VWF: variants seen among roughly 807,000 people sequenced by gnomAD.
The protein encoded by VWF is von Willebrand factor, also known as Factor VIII related antigen.
In VWF, 176 loss-of-function variants were observed where a neutral mutation model predicts 308.6. That is an observed-to-expected ratio of 0.57 (90% CI 0.50 to 0.65). The LOEUF (loss-of-function observed/expected upper bound fraction) is 0.65, where lower values mean the gene tolerates loss of function less well. VWF is among the 30% of genes least tolerant of loss of function. The pLI is 0.00. For synonymous variants in VWF, 1,385 were observed against 1,443.4 expected, an observed-to-expected ratio of 0.96 and a Z score of 0.92; for missense variants, 3,146 against 3,648.2, an observed-to-expected ratio of 0.86 and a Z score of 3.55.
intron 5 of VWF, among the ~76,000 whole-genome samples, chr12:6,103,610 A>G (rs1945209261): frequency 6.6e-6 from 1 of 151,774 alleles, no homozygotes; most frequent in African/African-American, 2.4e-5. Flanking sequence ...ATAGACACCC[A>G]GAGATAGAGC....
chr12:5,988,840 G>A (rs1413471126), intron 38 of VWF, among the ~76,000 whole-genome samples: 1 of 152,132 alleles, frequency 6.6e-6, no homozygotes, highest in East Asian at 1.9e-4. Context: ...ACTATCACCA[G>A]GCCAGAACCG....
At chr12:6,078,158 CT>C (rs1273863087) in intron 6 of VWF, among the ~76,000 whole-genome samples, 1 of 152,178 alleles carries the variant, frequency 6.6e-6, no homozygotes, top group Non-Finnish European at 1.5e-5. Context: ...CACCTTTCTC[CT>C]TTTCCCCTTA....
chr12:5,960,081 TA>T (rs1486011088), intron 47 of VWF, among the ~76,000 whole-genome samples: 2 of 148,014 alleles, frequency 1.4e-5, no homozygotes, highest in African/African-American at 4.9e-5. Flanking sequence ...TAATAATAAT[TA>T]ATATATAATA....
rs1303364520 is a variant in VWF, at chr12:6,016,574, T to C, written c.5253A>G (p.Lys1751=). Residue 1751 remains lysine (K), a synonymous_variant, in exon 30 of 52, where the codon AAA becomes AAG. Transcript: ENST00000261405. ...IDVPWNVVPE[K]AHLLSLVDVM... ...CGTCCACAAGGCTCAGCAAATGGGC[T>C]TTCTCCGGGACCACGTTCCATGGCA... The C allele has an allele frequency of 4.3e-6, 7 of 1,614,102 alleles. No individual in the cohort carries two copies. Among genetic ancestry groups the C allele is most frequent in the South Asian group, 1.1e-5 (1 of 91,086 alleles).
In VWF at chr12:6,019,525, G is replaced by A. The variant is rs554436297; in HGVS notation, c.3893C>T (p.Ala1298Val). ...CCGCTCCATCATGTCCACCACAAAG[G>A]CCTTCAGCACTTCAAACTCAGCCTC... ...LSEAEFEVLK[A>V]FVVDMMERLR... The change falls in exon 28 of 52, where the codon GCC becomes GTC. Residue 1298 changes from alanine (A) to valine (V), a missense_variant. Physicochemically the swap from Ala to Val is moderately conservative, Grantham distance 64 (BLOSUM62 0). Transcript: ENST00000261405. This position sits in a 1 kb window ranked among gnomAD's most constrained non-coding sequence, Gnocchi z 5.8. 5 of 1,613,938 alleles carry A rather than the reference G, an allele frequency of 3.1e-6. No homozygotes were observed. In the East Asian group the frequency reaches 1.1e-4, roughly 36 times the overall value.
At chr12:6,018,080 C>A (rs1264711678) in intron 28 of VWF, among the ~76,000 whole-genome samples, 2 of 149,682 alleles carry the variant, frequency 1.3e-5, no homozygotes, top group African/African-American at 5.0e-5. Context: ...TTTTTTTACT[C>A]CTTATTGGCA....
chr12:5,956,201 C>A (rs1330364382), intron 47 of VWF, among the ~76,000 whole-genome samples: 1 of 152,162 alleles, frequency 6.6e-6, no homozygotes, highest in Non-Finnish European at 1.5e-5. Flanking sequence ...AAGTATAGCA[C>A]ATGCAATTAT....
chr12:6,042,680 T>G (rs12367254), intron 18 of VWF, among the ~76,000 whole-genome samples: 1 of 152,310 alleles, frequency 6.6e-6, no homozygotes, highest in East Asian at 1.9e-4. Context: ...GCATGCCCAG[T>G]GCTTCAGGAA....
At chr12:6,010,369 A>C (rs1375660426) in intron 34 of VWF, among the ~76,000 whole-genome samples, 1 of 152,232 alleles carries the variant, frequency 6.6e-6, no homozygotes, top group African/African-American at 2.4e-5. Flanking sequence ...ATGCACTCTC[A>C]TACCTCGCTG....
At position 6,103,373 on chromosome 12, in the gene VWF, TGTGTGTATACAC is replaced by T. The variant is rs756450486; in HGVS notation, c.532+6989_532+7000del. Among the ~76,000 whole-genome samples, 653 of 141,902 alleles carry T rather than the reference TGTGTGTATACAC, an allele frequency of 4.6e-3. 21 individuals carry two copies. The highest frequency in any genetic ancestry group is 0.013 in the African/African-American group (468 of 36,000). 93.1% of individuals were successfully genotyped at this position (141,902 alleles called of 152,430 possible). The stretch of plus-strand genomic sequence containing the variant: ...GTGTATATATACATATATATGTGTG[TGTGTGTATACAC>T]GTGTGTGTATACACGTGTGTGTATA... On this transcript the variant is annotated intron_variant, in intron 5 of 51. Coordinates refer to ENST00000261405, the MANE Select transcript of VWF (RefSeq NM_000552.5).
At chr12:6,096,856 G>C (rs1181026302) in intron 5 of VWF, among the ~76,000 whole-genome samples, 1 of 152,200 alleles carries the variant, frequency 6.6e-6, no homozygotes, top group African/African-American at 2.4e-5. Context: ...GCCTGGAAGA[G>C]AGAAGTAGGT....
intron 5 of VWF, among the ~76,000 whole-genome samples, chr12:6,099,408 A>G (rs1052501217): frequency 2.6e-5 from 4 of 152,234 alleles, no homozygotes; most frequent in African/African-American, 9.6e-5. Flanking sequence ...GTCTCCCTCA[A>G]TATCTGTACT....
In VWF at chr12:6,044,419, C is replaced by T; in HGVS notation, c.2314G>A (p.Val772Ile). 1.9e-6 allele frequency: 3 copies of T among 1,614,182 alleles called. No individual in the cohort carries two copies. Among genetic ancestry groups the T allele is most frequent in the South Asian group, 1.1e-5 (1 of 91,078 alleles). Residue 772 changes from valine (V) to isoleucine (I), a missense_variant, in exon 18 of 52, where the codon GTC becomes ATC. Val to Ile is a conservative substitution (Grantham distance 29). Around this residue, in one of 3 missense-constraint regions of VWF, gnomAD observed 1,304 missense variants for 1,353.0 expected, o/e 0.96. Transcript: ENST00000261405. ...TTGTCAGCGGGACACACCAGCTTGA[C>T]CATGGGGGGCCGACAGGATAGGCTC... ...KRSLSCRPPM[V>I]KLVCPADNLR... is the part of the protein sequence containing the mutation.
chr12:5,957,263 T>C (rs1258613972), intron 47 of VWF, among the ~76,000 whole-genome samples: 3 of 152,174 alleles, frequency 2.0e-5, no homozygotes, highest in Non-Finnish European at 4.4e-5. Flanking sequence ...CACCTAACGA[T>C]GCATTTCTTA....
Position 6,056,944 on chromosome 12 carries a change from C to T in VWF, c.1858G>A (p.Glu620Lys). Residue 620 changes from glutamate to lysine, a missense_variant, in exon 15 of 52, where the codon GAG becomes AAG. By Grantham distance (56) the Glu-to-Lys change is moderately conservative. This residue lies in a region of VWF where 1,304 missense variants were observed against 1,353.0 expected (regional missense o/e 0.96). Transcript: ENST00000261405. The part of the protein sequence containing the change: ...YDVCSCSDGR[E>K]CLCGALASYA... ...CTGGCCAGGGCGCCGCACAGGCACT[C>T]GCGGCCGTCCGAGCAGGAGCACACG... 3.3e-6 allele frequency: 5 copies of T among 1,536,772 alleles called. No individual in the cohort carries two copies. The highest frequency in any genetic ancestry group is 2.6e-6 in the Non-Finnish European group (3 of 1,146,582).
chr12:6,018,966 C>T lies in VWF; in HGVS notation c.4452G>A (p.Gly1484=), dbSNP rs777683033. The change falls in exon 28 of 52, where the codon GGG becomes GGA. Residue 1484 remains glycine, a synonymous_variant. Transcript: ENST00000261405. ...TCCTCTTGGGCCCCAGGGTCGAAAC[C>T]CCCAAGAGCCCCGGGCCCACAGTGA... ...AQVTVGPGLL[G]VSTLGPKRNS... The T allele has an allele frequency of 1.6e-5, 26 of 1,613,814 alleles. No homozygotes were observed. The highest frequency in any genetic ancestry group is 1.8e-5 in the Non-Finnish European group (21 of 1,179,872).
chr12:5,952,425 G>A lies in VWF; in HGVS notation c.8081C>T (p.Pro2694Leu). ...CAGACACTTGTGTTCATCAAAGGGTGGGCAGCCTGTGACCCTCTTCTCCCA... is the reference window on the plus strand; with the variant it reads ...CAGACACTTGTGTTCATCAAAGGGTAGGCAGCCTGTGACCCTCTTCTCCCA... ...YFWEKRVTGC[P>L]PFDEHKCLAE... The change falls in exon 49 of 52, where the codon CCA becomes CTA. Residue 2694 changes from proline (P) to leucine (L), a missense_variant. Physicochemically the swap from Pro to Leu is moderately conservative, Grantham distance 98 (BLOSUM62 -3). Around this residue, in one of 3 missense-constraint regions of VWF, gnomAD observed 989 missense variants for 1,117.4 expected, o/e 0.89. Transcript: ENST00000261405. The A allele has an allele frequency of 1.2e-6, 2 of 1,614,042 alleles. No homozygotes were observed. The highest frequency in any genetic ancestry group is 1.7e-6 in the Non-Finnish European group (2 of 1,179,960).
intron 28 of VWF, among the ~76,000 whole-genome samples, chr12:6,017,851 C>T (rs1296907668): frequency 1.3e-5 from 2 of 152,190 alleles, no homozygotes; most frequent in African/African-American, 2.4e-5. Context: ...CAAACTAAGG[C>T]AGTCTGACTC....
intron 25 of VWF, 87 bp downstream of exon 25, chr12:6,023,544 A>T: frequency 1.3e-6 from 2 of 1,556,606 alleles, no homozygotes; most frequent in Non-Finnish European, 1.8e-6. Context: ...GCCCATGAAG[A>T]TATCCCCCTG....
Sources: allele counts gnomAD v4.1 joint callset (sites outside exome capture counted in the v4.1 genomes callset), GRCh38; gene constraint gnomAD v4.1.1; regional missense constraint gnomAD v4.1.1; non-coding constraint Gnocchi (gnomAD v3.1); transcripts MANE v1.5; gene names NCBI Gene and HGNC (gene_info 2026-07-23, HGNC 2026-07-21).